The following CACHD1 variants were observed in gnomAD, a reference collection of about 807,000 sequenced individuals.
The protein encoded by CACHD1 is cache domain containing 1.
In CACHD1, 71 loss-of-function variants were observed where a neutral mutation model predicts 138.7. The ratio of observed to expected loss-of-function variants is 0.51; its 90% CI spans 0.42 to 0.62. CACHD1 has a LOEUF of 0.62. Ranked by LOEUF, CACHD1 falls within the 20% of genes least tolerant of loss-of-function variation. CACHD1 has a pLI of 0.00. For missense variants in CACHD1, 1,389 were observed against 1,625.3 expected (o/e 0.85, Z 2.50); for synonymous variants, 578 against 591.5 (o/e 0.98, Z 0.33).
chr1:64,551,058 C>T (rs180729964), intron 2 of CACHD1, among the ~76,000 whole-genome samples: 11 of 152,242 alleles, frequency 7.2e-5, no homozygotes, highest in Admixed American at 7.2e-4. Context: ...CCTTTTTGAG[C>T]TGCAGTTTCT....
At position 64,691,667 on chromosome 1, in the gene CACHD1, G is replaced by A; in HGVS notation, c.*106G>A. The A allele has an allele frequency of 6.1e-6, 6 of 988,772 alleles. No individual in the cohort carries two copies. Among genetic ancestry groups the A allele is most frequent in the Non-Finnish European group, 4.6e-6 (3 of 656,316 alleles). The allele number at this position is 988,772 out of a possible 1,614,324, so 61.2% of individuals were successfully genotyped here. On this transcript the variant is annotated 3_prime_UTR_variant, in exon 27 of 27. Coordinates refer to ENST00000651257, the MANE Select transcript of CACHD1 (RefSeq NM_020925.4). ...ACAGCAAGAGACCTCCCTTGTGTTT[G>A]TGCTTTGTGCAGAGTTGTTTGAGTC... is the stretch of plus-strand genomic sequence containing the variant.
chr1:64,587,564 G>A (rs967298138), intron 3 of CACHD1, among the ~76,000 whole-genome samples: 2 of 152,164 alleles, frequency 1.3e-5, no homozygotes, highest in Non-Finnish European at 2.9e-5. Context: ...ACGCTGCCTA[G>A]TGATTAGGTA....
intron 2 of CACHD1, among the ~76,000 whole-genome samples, chr1:64,562,664 G>T (rs1042356395): frequency 6.7e-5 from 10 of 149,658 alleles, no homozygotes; most frequent in Non-Finnish European, 8.9e-5. Context: ...CTTGTGATCT[G>T]CCTGCCTTGG....
At chr1:64,549,472 G>GT (rs1172813314) in intron 1 of CACHD1, among the ~76,000 whole-genome samples, 1 of 152,118 alleles carries the variant, frequency 6.6e-6, no homozygotes, top group Admixed American at 6.5e-5. Flanking sequence ...TCCTTCTCAA[G>GT]TTTGTTTGCT....
chr1:64,663,610 AT>A, intron 13 of CACHD1, 84 bp from the exon 14 acceptor site: 1 of 1,514,354 alleles, frequency 6.6e-7, no homozygotes, highest in South Asian at 1.2e-5. Context: ...TAGCTGACAG[AT>A]TGGCAGAGCC....
chr1:64,652,944 G>A (rs1649142679), intron 10 of CACHD1, among the ~76,000 whole-genome samples: 1 of 152,100 alleles, frequency 6.6e-6, no homozygotes, highest in Non-Finnish European at 1.5e-5. Flanking sequence ...AAAGACACCT[G>A]TATGTTCATT....
chr1:64,579,909 A>G (rs1000884513), intron 2 of CACHD1: 2 of 73,340 alleles, frequency 2.7e-5, no homozygotes, highest in African/African-American at 5.1e-5. Flanking sequence ...CTCATGAGAT[A>G]GCCAGATGTT....
intron 4 of CACHD1, among the ~76,000 whole-genome samples, chr1:64,604,584 C>T (rs575248584): frequency 6.6e-6 from 1 of 152,234 alleles, no homozygotes; most frequent in South Asian, 2.1e-4. Flanking sequence ...TGTAAGCGTT[C>T]CAAAAATACA....
At chr1:64,517,567 T>G in intron 1 of CACHD1, among the ~76,000 whole-genome samples, 1 of 152,104 alleles carries the variant, frequency 6.6e-6, no homozygotes, top group East Asian at 1.9e-4. Flanking sequence ...ATGTGGATTC[T>G]CTGGGCAGAG....
At chr1:64,475,826 A>G (rs966901011) in intron 1 of CACHD1, among the ~76,000 whole-genome samples, 1 of 152,122 alleles carries the variant, frequency 6.6e-6, no homozygotes, top group Admixed American at 6.5e-5. Flanking sequence ...GTTAGATTAA[A>G]CTGGCAATCA....
At chr1:64,584,817 C>G (rs1647038949) in intron 3 of CACHD1, among the ~76,000 whole-genome samples, 1 of 152,086 alleles carries the variant, frequency 6.6e-6, no homozygotes, top group East Asian at 1.9e-4. Context: ...TGTCTACTCT[C>G]TAGAAATGTA....
intron 8 of CACHD1, among the ~76,000 whole-genome samples, chr1:64,644,948 T>C (rs1199009175): frequency 6.6e-6 from 1 of 152,072 alleles, no homozygotes; most frequent in Admixed American, 6.5e-5. Flanking sequence ...AATACAGAAA[T>C]TAGCCAAGTG....
In CACHD1 at chr1:64,611,326, G is replaced by A. The variant is rs551949452; in HGVS notation, c.517+8414G>A. 7.8e-4 allele frequency among the ~76,000 whole-genome samples: 119 copies of A among 152,272 alleles called. 1 individual carries two copies. The highest frequency in any genetic ancestry group is 2.6e-3 in the African/African-American group (110 of 41,572). On this transcript the variant is annotated intron_variant, in intron 4 of 26. Coordinates refer to ENST00000651257, the MANE Select transcript of CACHD1 (RefSeq NM_020925.4). ...TGGCTTGAATTTCTCCCCAGGAAAT[G>A]GGTTTTTCTTTTCTACCACATGGTC...
chr1:64,534,792 G>A (rs1646618720), intron 1 of CACHD1, among the ~76,000 whole-genome samples: 1 of 152,246 alleles, frequency 6.6e-6, no homozygotes. Flanking sequence ...AAGGAAGGCT[G>A]AAGCTAGGAC....
At chr1:64,471,549 C>T (rs1252333111) in intron 1 of CACHD1, among the ~76,000 whole-genome samples, 3 of 151,750 alleles carry the variant, frequency 2.0e-5, no homozygotes, top group Non-Finnish European at 4.4e-5. Flanking sequence ...GCTCCTTTCC[C>T]CTCCCGGGAG....
At chr1:64,606,092 G>C (rs557656363) in intron 4 of CACHD1, among the ~76,000 whole-genome samples, 1 of 117,658 alleles carries the variant, frequency 8.5e-6, no homozygotes, top group Non-Finnish European at 1.8e-5. Context: ...TTTTGTTCTA[G>C]GTCAGGAGCT....
intron 10 of CACHD1, 98 bp downstream of exon 10, chr1:64,652,408 AAAG>A (rs1462362457): frequency 3.6e-6 from 4 of 1,112,108 alleles, no homozygotes; most frequent in Admixed American, 5.4e-5. Context: ...ATGATAGTGT[AAAG>A]AAGAGCATTG....
At chr1:64,610,984 C>T (rs572711211) in intron 4 of CACHD1, among the ~76,000 whole-genome samples, 1 of 152,340 alleles carries the variant, frequency 6.6e-6, no homozygotes, top group Admixed American at 6.5e-5. Context: ...CGCCTGCACA[C>T]CCACAGGCCC....
At chr1:64,505,491 T>G (rs1045887486) in intron 1 of CACHD1, among the ~76,000 whole-genome samples, 49 of 151,984 alleles carry the variant, frequency 3.2e-4, no homozygotes, top group African/African-American at 1.0e-3. Context: ...GGAGCCTGAT[T>G]AGGTGCATAA....
Sources: gnomAD v4.1 joint callset for allele counts (sites outside exome capture counted in the v4.1 genomes callset) on GRCh38, gnomAD v4.1.1 for gene constraint, MANE v1.5 for transcripts, NCBI Gene and HGNC (gene_info 2026-07-23, HGNC 2026-07-21) for gene names.